LRCH3: variants seen among roughly 807,000 people sequenced by gnomAD.
LRCH3 encodes DISP complex protein LRCH3.
LRCH3 carries 68 observed loss-of-function variants against 104.5 expected under a neutral mutation model. The observed-to-expected ratio is 0.65, with a 90% CI of 0.54 to 0.80. The LOEUF is 0.80. Ranked by LOEUF, LRCH3 falls within the 30% of genes least tolerant of loss-of-function variation. The pLI is 0.00. For missense variants in LRCH3, 951 were observed against 953.9 expected (o/e 1.00, Z 0.04); for synonymous variants, 344 against 361.3 (o/e 0.95, Z 0.54).
At chr3:197,799,301 C>G (rs762055345) in intron 1 of LRCH3, among the ~76,000 whole-genome samples, 2 of 152,040 alleles carry the variant, frequency 1.3e-5, no homozygotes, top group Non-Finnish European at 2.9e-5. Context: ...CCCAGGTGCG[C>G]TTGGGAAAAA....
At chr3:197,850,855 G>A (rs1046798879) in intron 12 of LRCH3, 3 of 991,552 alleles carry the variant, frequency 3.0e-6, no homozygotes, top group Non-Finnish European at 4.9e-6. Flanking sequence ...TTGGTGGCCT[G>A]AGCAGTTCCA....
chr3:197,857,117 A>AC (rs1740353707), intron 14 of LRCH3, among the ~76,000 whole-genome samples: 1 of 142,970 alleles, frequency 7.0e-6, no homozygotes, highest in South Asian at 2.2e-4. Flanking sequence ...TCTTTGGGCT[A>AC]CCCCTCAAGC....
intron 20 of LRCH3, among the ~76,000 whole-genome samples, chr3:197,879,400 A>G (rs926572055): frequency 9.9e-5 from 15 of 151,878 alleles, no homozygotes; most frequent in East Asian, 5.8e-4. Flanking sequence ...TAATCCCAGC[A>G]CTTTGGGAGG....
At chr3:197,822,389 C>T (rs1395087421) in intron 4 of LRCH3, among the ~76,000 whole-genome samples, 2 of 152,036 alleles carry the variant, frequency 1.3e-5, no homozygotes, top group African/African-American at 4.8e-5. Flanking sequence ...AAGACTTACT[C>T]CTATAATAAT....
intron 19 of LRCH3, among the ~76,000 whole-genome samples, chr3:197,873,028 T>G (rs1336076978): frequency 1.3e-5 from 2 of 152,096 alleles, no homozygotes; most frequent in African/African-American, 4.8e-5. Flanking sequence ...AGGTGGAAGA[T>G]GAGGGAGAAA....
chr3:197,850,576 G>A lies in LRCH3; in HGVS notation c.1531-1985G>A, dbSNP rs867469862. 86 of 1,585,974 alleles carry A rather than the reference G, an allele frequency of 5.4e-5. No homozygotes were observed. In the Middle Eastern group the frequency reaches 9.0e-4, roughly 17 times the overall value. ...CGACCATGAGCTCTGTAGGTCCGGC[G>A]GCACATCTCAGGTGCTTTGTTCACT... On this transcript the variant is annotated intron_variant, in intron 12 of 20. Coordinates refer to ENST00000425562, the MANE Select transcript of LRCH3 (RefSeq NM_001365715.1).
At position 197,859,019 on chromosome 3, in the gene LRCH3, C is replaced by T. The variant is rs921567630; in HGVS notation, c.1716+114C>T. On this transcript the variant is annotated intron_variant, in intron 15 of 20. Coordinates refer to ENST00000425562, the MANE Select transcript of LRCH3 (RefSeq NM_001365715.1). ...TGAAATATAGGATCGCATAAATATA[C>T]CTGTTTATGGAACTATTTGTTTAAC... 12 of 788,250 alleles carry T rather than the reference C, an allele frequency of 1.5e-5. No homozygotes were observed. The Admixed American group carries it at 2.3e-4, about 15-fold the overall frequency. 48.8% of individuals were successfully genotyped at this position (788,250 alleles called of 1,614,324 possible). A position where few individuals can be genotyped will look rare whatever the true frequency, so the allele number is the denominator to read the frequency against.
chr3:197,832,125 G>A, intron 7 of LRCH3, 72 bp from the exon 8 acceptor site: 2 of 1,503,708 alleles, frequency 1.3e-6, no homozygotes, highest in African/African-American at 1.4e-5. Context: ...GTCTCCCAAA[G>A]CGCATGGATT....
chr3:197,820,245 A>G, intron 3 of LRCH3, 80 bp from the exon 4 acceptor site: 1 of 1,005,536 alleles, frequency 9.9e-7, no homozygotes, highest in Non-Finnish European at 1.6e-6. Context: ...TCTCCCAAAC[A>G]TATCTAATTT....
At chr3:197,879,969 G>C (rs947506650) in intron 20 of LRCH3, among the ~76,000 whole-genome samples, 1 of 147,206 alleles carries the variant, frequency 6.8e-6, no homozygotes, top group Non-Finnish European at 1.5e-5. Flanking sequence ...TTTTTGAGAC[G>C]GAGTCTCGCT....
chr3:197,852,651 G>A (rs1437923989), intron 13 of LRCH3, 31 bp downstream of exon 13: 1 of 1,601,750 alleles, frequency 6.2e-7, no homozygotes, highest in African/African-American at 1.3e-5. Context: ...TTTCTTTGGA[G>A]TTGATTATTT....
Position 197,807,936 on chromosome 3 carries a change from TCAAA to T in LRCH3, c.263-6969_263-6966del, listed in dbSNP as rs1218336153. Among the ~76,000 whole-genome samples the T allele has an allele frequency of 3.3e-5, 5 of 152,314 alleles. No homozygotes were observed. The East Asian group carries it at 5.8e-4, about 18-fold the overall frequency. ...TTCTCTATAAATATTTAGAATCACA[TCAAA>T]CAGTCTTATAATTTTTGCTTCCAAT... On this transcript the variant is annotated intron_variant, in intron 1 of 20. Transcript: ENST00000425562.
chr3:197,792,698 C>A (rs1730754810), intron 1 of LRCH3, among the ~76,000 whole-genome samples: 1 of 141,878 alleles, frequency 7.0e-6, no homozygotes, highest in Non-Finnish European at 1.5e-5. Context: ...GTCTCCCAGG[C>A]TGGAGTGGAA....
chr3:197,872,594 C>T (rs572343100), intron 19 of LRCH3, among the ~76,000 whole-genome samples: 8 of 152,204 alleles, frequency 5.3e-5, no homozygotes, highest in East Asian at 3.9e-4. Context: ...CACTGGCTTA[C>T]GCCTATAATC....
intron 1 of LRCH3, among the ~76,000 whole-genome samples, chr3:197,796,185 A>G (rs1263207175): frequency 6.6e-6 from 1 of 152,216 alleles, no homozygotes; most frequent in Non-Finnish European, 1.5e-5. Context: ...TGACTAAAGG[A>G]CTTCGGCAGT....
intron 20 of LRCH3, among the ~76,000 whole-genome samples, chr3:197,879,582 C>G (rs539798993): frequency 5.3e-5 from 8 of 151,906 alleles, no homozygotes; most frequent in South Asian, 4.2e-4. Flanking sequence ...GGAGGCGGAG[C>G]TTGCAGTGAG....
intron 15 of LRCH3, among the ~76,000 whole-genome samples, chr3:197,861,728 G>C (rs1740905242): frequency 6.6e-6 from 1 of 151,492 alleles, no homozygotes; most frequent in African/African-American, 2.4e-5. Context: ...TATCAGTTCT[G>C]GGTTTTTTTT....
rs1246463666 is a variant in LRCH3, at chr3:197,887,446, G to A, written c.*3780G>A. 1.4e-5 allele frequency: 2 copies of A among 139,646 alleles called. No individual in the cohort carries two copies. The highest frequency in any genetic ancestry group is 5.6e-5 in the African/African-American group (2 of 35,500). The allele number at this position is 139,646 out of a possible 1,614,324, so 8.7% of individuals were successfully genotyped here. ...CCATCACTGAACAGTGTTGGCGGCT[G>A]AGAGCCCCCCAGCAGAGCCCTTCCC... On this transcript the variant is annotated 3_prime_UTR_variant, in exon 21 of 21. Coordinates refer to ENST00000425562, the MANE Select transcript of LRCH3 (RefSeq NM_001365715.1).
At chr3:197,874,922 A>T (rs1393312124) in intron 19 of LRCH3, among the ~76,000 whole-genome samples, 1 of 147,030 alleles carries the variant, frequency 6.8e-6, no homozygotes, top group African/African-American at 2.5e-5. Flanking sequence ...TGGTTGCAAC[A>T]GTTCTTTTTT....
Sources: allele counts gnomAD v4.1 joint callset (sites outside exome capture counted in the v4.1 genomes callset), GRCh38; gene constraint gnomAD v4.1.1; transcripts MANE v1.5; gene names NCBI Gene and HGNC (gene_info 2026-07-23, HGNC 2026-07-21).